The following KCNT2 variants were observed in gnomAD, a reference collection of about 807,000 sequenced individuals.
KCNT2 encodes potassium sodium-activated channel subfamily T member 2, also known as potassium channel subfamily T member 2.
KCNT2 carries 67 observed loss-of-function variants against 153.8 expected under a neutral mutation model. The ratio of observed to expected loss-of-function variants is 0.44; its 90% CI spans 0.36 to 0.53. The LOEUF (loss-of-function observed/expected upper bound fraction) is 0.53. Ranked by LOEUF, KCNT2 falls within the 20% of genes least tolerant of loss-of-function variation. KCNT2 has a pLI of 0.00. For synonymous variants in KCNT2, 500 were observed against 458.8 expected, an observed-to-expected ratio of 1.09 and a Z score of -1.15; for missense variants, 975 against 1,354.8, an observed-to-expected ratio of 0.72 and a Z score of 4.40.
At chr1:196,511,615 G>A (rs1224729836) in intron 1 of KCNT2, among the ~76,000 whole-genome samples, 2 of 152,038 alleles carry the variant, frequency 1.3e-5, no homozygotes, top group Non-Finnish European at 2.9e-5. Context: ...TTTTTCTGGA[G>A]GCCAGAACTC....
chr1:196,608,165 GTC>G, intron 1 of KCNT2, 48 bp downstream of exon 1: 1 of 1,538,020 alleles, frequency 6.5e-7, no homozygotes, highest in South Asian at 1.1e-5. Flanking sequence ...TCCCATTTCC[GTC>G]TCTTTTTCAG....
chr1:196,318,432 C>T (rs1662949656), intron 20 of KCNT2, among the ~76,000 whole-genome samples: 1 of 151,648 alleles, frequency 6.6e-6, no homozygotes, highest in Non-Finnish European at 1.5e-5. Context: ...ATTCTCTCAC[C>T]ATAAATACTT....
At chr1:196,339,546 G>GAC (rs1276563108) in intron 16 of KCNT2, among the ~76,000 whole-genome samples, 14 of 151,550 alleles carry the variant, frequency 9.2e-5, no homozygotes, top group African/African-American at 3.1e-4. Flanking sequence ...GAGAGAGAGA[G>GAC]AGAGAGACAG....
intron 12 of KCNT2, among the ~76,000 whole-genome samples, chr1:196,401,176 A>G (rs1375178451): frequency 6.6e-6 from 1 of 151,856 alleles, no homozygotes; most frequent in Non-Finnish European, 1.5e-5. Flanking sequence ...ATGGTGATGG[A>G]GTTTGCTTTA....
intron 1 of KCNT2, among the ~76,000 whole-genome samples, chr1:196,525,559 C>A (rs916824298): frequency 2.0e-5 from 3 of 152,154 alleles, no homozygotes; most frequent in African/African-American, 7.2e-5. Flanking sequence ...AATCACCAAT[C>A]TGTATATGGG....
chr1:196,245,046 T>C (rs112799850), intron 26 of KCNT2, among the ~76,000 whole-genome samples: 4 of 151,450 alleles, frequency 2.6e-5, no homozygotes, highest in African/African-American at 9.7e-5. Flanking sequence ...AGAACAAGAG[T>C]CTCTGCCTGG....
At chr1:196,298,664 GC>G (rs1660896772) in intron 22 of KCNT2, among the ~76,000 whole-genome samples, 1 of 151,564 alleles carries the variant, frequency 6.6e-6, no homozygotes, top group Non-Finnish European at 1.5e-5. Context: ...TGAAACCCAG[GC>G]CCCAGCCCCT....
chr1:196,322,047 A>G (rs183269811), intron 19 of KCNT2, among the ~76,000 whole-genome samples: 1 of 151,966 alleles, frequency 6.6e-6, no homozygotes, highest in African/African-American at 2.4e-5. Context: ...AAACATTCCT[A>G]AAACTAGATG....
At chr1:196,542,188 C>T (rs1656471309) in intron 1 of KCNT2, among the ~76,000 whole-genome samples, 1 of 151,950 alleles carries the variant, frequency 6.6e-6, no homozygotes, top group Non-Finnish European at 1.5e-5. Flanking sequence ...CAAAATCCGC[C>T]GAAAGTCTAG....
intron 14 of KCNT2, among the ~76,000 whole-genome samples, chr1:196,342,438 A>ATATATG (rs1665756587): frequency 7.1e-6 from 1 of 139,966 alleles, no homozygotes; most frequent in African/African-American, 2.7e-5. Context: ...ATATATATAT[A>ATATATG]TATATATATG....
intron 14 of KCNT2, among the ~76,000 whole-genome samples, chr1:196,345,489 C>T (rs1666063972): frequency 6.6e-6 from 1 of 152,076 alleles, no homozygotes; most frequent in South Asian, 2.1e-4. Context: ...AGGTAACTAG[C>T]TGGGAGGAGG....
intron 25 of KCNT2, among the ~76,000 whole-genome samples, chr1:196,261,751 T>C (rs1478438092): frequency 1.3e-5 from 2 of 151,976 alleles, no homozygotes; most frequent in Admixed American, 6.6e-5. Context: ...CTGCACAGTT[T>C]CTATGAATTA....
At chr1:196,452,865 C>T (rs570843738) in intron 8 of KCNT2, among the ~76,000 whole-genome samples, 15 of 151,978 alleles carry the variant, frequency 9.9e-5, no homozygotes, top group Non-Finnish European at 1.8e-4. Flanking sequence ...ATACCTTCAA[C>T]TGATGAGGTC....
At chr1:196,316,562 A>T (rs1662745434) in intron 20 of KCNT2, among the ~76,000 whole-genome samples, 1 of 151,746 alleles carries the variant, frequency 6.6e-6, no homozygotes, top group Non-Finnish European at 1.5e-5. Flanking sequence ...GGTTCTACAC[A>T]ACCAAGAGCA....
intron 25 of KCNT2, among the ~76,000 whole-genome samples, chr1:196,259,912 T>C (rs941349545): frequency 6.6e-6 from 1 of 151,946 alleles, no homozygotes; most frequent in Non-Finnish European, 1.5e-5. Flanking sequence ...TGAACATTTT[T>C]ATAAAATTTT....
chr1:196,487,353 A>G (rs1264500334), intron 3 of KCNT2, among the ~76,000 whole-genome samples: 2 of 151,794 alleles, frequency 1.3e-5, no homozygotes, highest in African/African-American at 4.8e-5. Flanking sequence ...GTCTTAGGAC[A>G]ACACATAATC....
At chr1:196,364,521 T>C (rs2148288760) in intron 14 of KCNT2, among the ~76,000 whole-genome samples, 1 of 152,230 alleles carries the variant, frequency 6.6e-6, no homozygotes, top group East Asian at 1.9e-4. Flanking sequence ...TTTTGCAAAA[T>C]TATTCAGCAA....
chr1:196,334,446 G>T (rs1436200974), intron 16 of KCNT2, among the ~76,000 whole-genome samples: 1 of 98,890 alleles, frequency 1.0e-5, no homozygotes, highest in Non-Finnish European at 2.2e-5. Flanking sequence ...TTCATTATGT[G>T]TTTCCCCTCT....
At chr1:196,472,730 C>T (rs945387974) in intron 5 of KCNT2, among the ~76,000 whole-genome samples, 3 of 152,172 alleles carry the variant, frequency 2.0e-5, no homozygotes, top group Admixed American at 6.5e-5. Flanking sequence ...CTATACTATA[C>T]TTATAATTAT....
Sources: allele counts gnomAD v4.1 joint callset (sites outside exome capture counted in the v4.1 genomes callset), GRCh38; gene constraint gnomAD v4.1.1; transcripts MANE v1.5; gene names NCBI Gene and HGNC (gene_info 2026-07-23, HGNC 2026-07-21).